Variants in PARP14 observed in about 807,000 individuals in gnomAD.
PARP14 encodes poly(ADP-ribose) polymerase family member 14, also known as protein mono-ADP-ribosyltransferase PARP14.
A neutral mutation model predicts 154.2 loss-of-function variants in PARP14; 59 were observed. That is an observed-to-expected ratio of 0.38 (90% CI 0.31 to 0.48). PARP14 has a LOEUF of 0.48. PARP14 is among the 20% of genes least tolerant of loss of function. The pLI is 0.98. For missense variants in PARP14, 1,734 were observed against 2,131.6 expected (o/e 0.81, Z 3.67); for synonymous variants, 720 against 780.5 (o/e 0.92, Z 1.29).
intron 3 of PARP14, among the ~76,000 whole-genome samples, chr3:122,687,493 T>G (rs1455802794): frequency 6.6e-6 from 1 of 152,224 alleles, no homozygotes; most frequent in Non-Finnish European, 1.5e-5. Flanking sequence ...GAGCACTGCT[T>G]CCTGAGCACT....
rs1271312991 is a variant in PARP14 at position 122,728,440 on chromosome 3, A to G, written c.5249A>G (p.His1750Arg). The part of the protein sequence containing the change: ...YVRVLTGIYT[H>R]GNHSLIVPPS... ...CGAGTACTTACTGGAATCTATACAC[A>G]TGGAAATCATTCATTAATTGTGCCT... is the stretch of plus-strand genomic sequence containing the variant. Residue 1750 changes from histidine (H) to arginine (R), a missense_variant, in exon 17 of 17, where the codon CAT (histidine) becomes CGT (arginine). Coordinates refer to ENST00000474629, the MANE Select transcript of PARP14 (RefSeq NM_017554.3). 2 of 1,614,022 alleles carry G rather than the reference A, an allele frequency of 1.2e-6. No individual in the cohort carries two copies. The highest frequency in any genetic ancestry group is 1.3e-5 in the African/African-American group (1 of 75,062).
intron 2 of PARP14, among the ~76,000 whole-genome samples, chr3:122,686,102 A>C (rs1426429258): frequency 6.6e-6 from 1 of 152,224 alleles, no homozygotes; most frequent in Admixed American, 6.5e-5. Flanking sequence ...CACATGACAC[A>C]GTTCTTGTTA....
In PARP14 at chr3:122,704,535, A is replaced by C. The variant is rs750081986; in HGVS notation, c.3327A>C (p.Glu1109Asp). 1.0e-5 allele frequency: 16 copies of C among 1,587,318 alleles called. No homozygotes were observed. The East Asian group carries it at 3.1e-4, about 31-fold the overall frequency. ...TGCTTTGTGCGTTTCAGATAATGGA[A>C]GACATAATCAGAGAATGTATGGAGA... is the stretch of plus-strand genomic sequence containing the variant. ...NGSTSSLKIM[E>D]DIIRECMEIT... The change falls in exon 8 of 17, where the codon GAA (glutamate) becomes GAC (aspartate). Residue 1109 changes from glutamate (E) to aspartate (D), a missense_variant. Transcript: ENST00000474629.
At position 122,699,747 on chromosome 3, in the gene PARP14, A is replaced by T. The variant is rs757200171; in HGVS notation, c.1193A>T (p.Tyr398Phe). Reference protein sequence around the residue: ...STTLSSIRSKYKVNPIKVDPT... With the variant: ...STTLSSIRSKFKVNPIKVDPT... ...ACACTCTCTAGCATCAGGTCTAAAT[A>T]TAAAGTCAACCCAATTAAAGTGGAT... Residue 398 changes from tyrosine to phenylalanine, a missense_variant, in exon 6 of 17, where the codon TAT (tyrosine) becomes TTT (phenylalanine). Tyr to Phe is a conservative substitution (Grantham distance 22). Transcript: ENST00000474629. The T allele has an allele frequency of 1.2e-6, 2 of 1,613,996 alleles. No homozygotes were observed.
In PARP14 at chr3:122,695,646, A is replaced by AT; in HGVS notation, c.825dup (p.Asp276Ter). On this transcript the variant is annotated frameshift_variant, in exon 5 of 17. Transcript: ENST00000474629. LOFTEE classifies it high-confidence loss of function. ...CTGAAGAGAGTTCAGCTCTGATTGA[A>AT]TTTTTTGACAGAAAAGGTAATATTT... 1 of 1,557,020 alleles carries AT rather than the reference A, an allele frequency of 6.4e-7. No homozygotes were observed. The highest frequency in any genetic ancestry group is 1.1e-5 in the South Asian group (1 of 88,876).
At position 122,680,976 on chromosome 3, in the gene PARP14, C is replaced by T. The variant is rs747704158; in HGVS notation, c.93C>T (p.Phe31=). Residue 31 remains phenylalanine, a synonymous_variant, in exon 1 of 17, where the codon TTC becomes TTT. Coordinates refer to ENST00000474629, the MANE Select transcript of PARP14 (RefSeq NM_017554.3). The part of the protein sequence containing the change: ...KNLNTKLQMY[F]QSPKRSGGGE... Reference sequence around the variant, plus strand: ...TGAACACCAAGTTGCAGATGTACTTCCAGAGCCCGAAGAGGTCGGGAGGCG... The same window carrying T: ...TGAACACCAAGTTGCAGATGTACTTTCAGAGCCCGAAGAGGTCGGGAGGCG... 3.1e-6 allele frequency: 5 copies of T among 1,613,744 alleles called. No homozygotes were observed. The highest frequency in any genetic ancestry group is 4.2e-6 in the Non-Finnish European group (5 of 1,179,702).
intron 1 of PARP14, among the ~76,000 whole-genome samples, chr3:122,684,769 C>G (rs1391633427): frequency 6.6e-6 from 1 of 152,158 alleles, no homozygotes; most frequent in Non-Finnish European, 1.5e-5. Flanking sequence ...TCACTGGCTC[C>G]CATTGAAGGA....
chr3:122,696,714 T>C (rs2107641660), intron 5 of PARP14, among the ~76,000 whole-genome samples: 1 of 152,316 alleles, frequency 6.6e-6, no homozygotes, highest in Middle Eastern at 3.4e-3. Context: ...AGAAGGGCTA[T>C]TCTGCACATA....
intron 3 of PARP14, among the ~76,000 whole-genome samples, chr3:122,688,767 G>A (rs1303702848): frequency 6.6e-6 from 1 of 152,138 alleles, no homozygotes; most frequent in Non-Finnish European, 1.5e-5. Context: ...CACAACCAAC[G>A]CCACCAACCA....
intron 5 of PARP14, among the ~76,000 whole-genome samples, chr3:122,697,470 A>T (rs1468457553): frequency 2.0e-5 from 3 of 152,206 alleles, no homozygotes; most frequent in African/African-American, 7.2e-5. Flanking sequence ...GTCCCATAAC[A>T]TATACCCTAA....
chr3:122,712,457 A>G (rs1179171433), intron 9 of PARP14, among the ~76,000 whole-genome samples: 1 of 152,144 alleles, frequency 6.6e-6, no homozygotes, highest in Non-Finnish European at 1.5e-5. Flanking sequence ...CATGTTGGAC[A>G]GGCTTGTCTT....
intron 5 of PARP14, among the ~76,000 whole-genome samples, chr3:122,697,765 T>G (rs1308156821): frequency 1.3e-5 from 2 of 152,264 alleles, no homozygotes; most frequent in African/African-American, 2.4e-5. Context: ...CTGTTTTTTC[T>G]GCTACAGTAT....
At chr3:122,693,427 A>G (rs1446657600) in intron 4 of PARP14, among the ~76,000 whole-genome samples, 1 of 152,232 alleles carries the variant, frequency 6.6e-6, no homozygotes, top group Non-Finnish European at 1.5e-5. Context: ...AACTAGTTAT[A>G]TGAGGTTGGC....
At chr3:122,692,669 G>C in intron 4 of PARP14, 126 bp downstream of exon 4, 1 of 710,380 alleles carries the variant, frequency 1.4e-6, no homozygotes, top group East Asian at 2.8e-5. Context: ...AGGTTTCCAA[G>C]TTAATATAGT....
Position 122,699,425 on chromosome 3 carries a change from A to G in PARP14, c.871A>G (p.Asn291Asp). Residue 291 changes from asparagine to aspartate, a missense_variant, in exon 6 of 17, where the codon AAT (asparagine) becomes GAT (aspartate). Physicochemically the swap from Asn to Asp is conservative, Grantham distance 23. Transcript: ENST00000474629. ...CATCATGGCCACAAAACTCGACTTC[A>G]ATAAAATGCCACTTTCTGTGTTCCC... ...DTIMATKLDFNKMPLSVFPYY... is the reference protein window; with the variant it reads ...DTIMATKLDFDKMPLSVFPYY... The G allele has an allele frequency of 1.2e-6, 2 of 1,611,436 alleles. No individual in the cohort carries two copies. Among genetic ancestry groups the G allele is most frequent in the East Asian group, 4.5e-5 (2 of 44,846 alleles).
At chr3:122,692,591 A>C in intron 4 of PARP14, 48 bp downstream of exon 4, 1 of 1,537,116 alleles carries the variant, frequency 6.5e-7, no homozygotes, top group Non-Finnish European at 8.9e-7. Flanking sequence ...GTACCACATC[A>C]TGAGACTTGA....
In PARP14 at chr3:122,703,831, G is replaced by A. The variant is rs1213188775; in HGVS notation, c.3171G>A (p.Glu1057=). The change falls in exon 7 of 17, where the codon GAG becomes GAA. Residue 1057 remains glutamate, a synonymous_variant. Coordinates refer to ENST00000474629, the MANE Select transcript of PARP14 (RefSeq NM_017554.3). ...CCCTCTTGGAAAAAGCTGGACCAGA[G>A]CTCCAGGAGGAATTGGACACAGTTG... ...SKSLLEKAGP[E]LQEELDTVGQ... is the part of the protein sequence containing the mutation. The A allele has an allele frequency of 6.2e-7, 1 of 1,613,958 alleles. No individual in the cohort carries two copies. Among genetic ancestry groups the A allele is most frequent in the Admixed American group, 1.7e-5 (1 of 60,024 alleles).
chr3:122,711,440 C>T lies in PARP14; in HGVS notation c.3620-1984C>T, dbSNP rs1164129769. ...CCCTGCATCCCTGGGATAAAGTACG[C>T]TTGTTCATAATGTATTATCTTTTTG... On this transcript the variant is annotated intron_variant, in intron 9 of 16. Coordinates refer to ENST00000474629, the MANE Select transcript of PARP14 (RefSeq NM_017554.3). Among the ~76,000 whole-genome samples, 3 of 152,206 alleles carry T rather than the reference C, an allele frequency of 2.0e-5. No homozygotes were observed. In the East Asian group the frequency reaches 5.8e-4, roughly 29 times the overall value.
intron 15 of PARP14, chr3:122,720,621 C>A: frequency 1.8e-6 from 1 of 560,786 alleles, no homozygotes; most frequent in East Asian, 3.3e-5. Flanking sequence ...ACACTAAAGA[C>A]ATATATTTAC....
Sources: allele counts gnomAD v4.1 joint callset (sites outside exome capture counted in the v4.1 genomes callset), GRCh38; gene constraint gnomAD v4.1.1; transcripts MANE v1.5; gene names NCBI Gene and HGNC (gene_info 2026-07-23, HGNC 2026-07-21).